The following XKR4 variants were observed in gnomAD, a reference collection of about 807,000 sequenced individuals.
XKR4 encodes XK related 4.
XKR4 carries 12 observed loss-of-function variants against 53.9 expected under a neutral mutation model. The observed-to-expected ratio is 0.22, with a 90% CI of 0.14 to 0.36. XKR4 has a LOEUF of 0.36. Ranked by LOEUF, XKR4 falls within the 10% of genes least tolerant of loss-of-function variation. The probability of loss-of-function intolerance (pLI) is 1.00; values close to 1 mark genes in which losing one functional copy is unlikely to be tolerated. For missense variants in XKR4, 799 were observed against 859.5 expected (o/e 0.93, Z 0.88); for synonymous variants, 354 against 362.4 (o/e 0.98, Z 0.26).
chr8:55,426,709 A>T (rs1005855776), intron 2 of XKR4, among the ~76,000 whole-genome samples: 1 of 152,220 alleles, frequency 6.6e-6, no homozygotes, highest in Admixed American at 6.5e-5. Context: ...GATATTTAGG[A>T]TAAATTGAGC....
chr8:55,141,671 C>CTCTCTCTG (rs748708972), intron 1 of XKR4, among the ~76,000 whole-genome samples: 161 of 135,040 alleles, frequency 1.2e-3, no homozygotes, highest in African/African-American at 1.6e-3. Flanking sequence ...CTCTCTCTCT[C>CTCTCTCTG]TGTGTGTGTG....
At chr8:55,440,790 C>A (rs572181635) in intron 2 of XKR4, among the ~76,000 whole-genome samples, 1 of 152,196 alleles carries the variant, frequency 6.6e-6, no homozygotes, top group African/African-American at 2.4e-5. Flanking sequence ...CAATTAGGCT[C>A]TTTCTACATC....
intron 2 of XKR4, among the ~76,000 whole-genome samples, chr8:55,434,408 A>C (rs971215806): frequency 9.0e-6 from 1 of 111,224 alleles, no homozygotes; most frequent in African/African-American, 3.6e-5. Flanking sequence ...CTTGATACCA[A>C]TCGTGTGTGT....
At chr8:55,314,589 C>T (rs1819436976) in intron 1 of XKR4, among the ~76,000 whole-genome samples, 1 of 152,206 alleles carries the variant, frequency 6.6e-6, no homozygotes, top group South Asian at 2.1e-4. Context: ...CTGATAAGAA[C>T]TTGAAGGAGA....
intron 2 of XKR4, chr8:55,454,636 G>A (rs1016712993): frequency 8.8e-7 from 1 of 1,132,440 alleles, no homozygotes; most frequent in Non-Finnish European, 1.3e-6. Context: ...CCCAGCCAGG[G>A]GCACGGTGCA....
At chr8:55,373,124 A>T (rs1804092608) in intron 2 of XKR4, among the ~76,000 whole-genome samples, 1 of 152,202 alleles carries the variant, frequency 6.6e-6, no homozygotes, top group Non-Finnish European at 1.5e-5. Context: ...CTGTAGAAAA[A>T]GTCTCAGAGA....
chr8:55,213,513 G>T (rs1654649620), intron 1 of XKR4, among the ~76,000 whole-genome samples: 2 of 152,120 alleles, frequency 1.3e-5, no homozygotes, highest in Non-Finnish European at 2.9e-5. Flanking sequence ...TTAGAATCTT[G>T]CAGTCTCTAG....
At chr8:55,234,257 AG>A (rs1212379058) in intron 1 of XKR4, among the ~76,000 whole-genome samples, 1 of 152,224 alleles carries the variant, frequency 6.6e-6, no homozygotes, top group Non-Finnish European at 1.5e-5. Flanking sequence ...TCCTCCAAAA[AG>A]AAATTGTTCC....
At chr8:55,303,269 C>A (rs1585998635) in intron 1 of XKR4, among the ~76,000 whole-genome samples, 1 of 152,160 alleles carries the variant, frequency 6.6e-6, no homozygotes, top group Non-Finnish European at 1.5e-5. Context: ...TGGTTTTTGT[C>A]TTTGGTTCTG....
rs1362282346 is a variant in XKR4, at chr8:55,527,492, T to C, written c.*3265T>C. 6.6e-6 allele frequency: 1 copy of C among 152,226 alleles called. No individual in the cohort carries two copies. Among genetic ancestry groups the C allele is most frequent in the Non-Finnish European group, 1.5e-5 (1 of 68,028 alleles). The allele number at this position is 152,226 out of a possible 1,614,324, so 9.4% of individuals were successfully genotyped here. On this transcript the variant is annotated 3_prime_UTR_variant, in exon 3 of 3. Coordinates refer to ENST00000327381, the MANE Select transcript of XKR4 (RefSeq NM_052898.2). ...TTTCTAAATATGAAACCATGTTTAA[T>C]GAATATATATAATGTGTGTGTGTGT...
At chr8:55,435,312 C>T (rs1311043181) in intron 2 of XKR4, among the ~76,000 whole-genome samples, 1 of 152,034 alleles carries the variant, frequency 6.6e-6, no homozygotes, top group East Asian at 1.9e-4. Flanking sequence ...AGTCTCTTCC[C>T]TTAGAATTGA....
At chr8:55,366,928 T>A (rs746296187) in intron 2 of XKR4, among the ~76,000 whole-genome samples, 1 of 152,180 alleles carries the variant, frequency 6.6e-6, no homozygotes, top group Non-Finnish European at 1.5e-5. Flanking sequence ...ACCACATTAC[T>A]TTCTTGCTCT....
chr8:55,204,308 G>A (rs1356645122), intron 1 of XKR4, among the ~76,000 whole-genome samples: 1 of 152,098 alleles, frequency 6.6e-6, no homozygotes, highest in African/African-American at 2.4e-5. Context: ...ACAACGACAA[G>A]CAGCATTAAA....
chr8:55,477,405 T>C (rs762402673), intron 2 of XKR4, among the ~76,000 whole-genome samples: 69 of 152,196 alleles, frequency 4.5e-4, no homozygotes, highest in Non-Finnish European at 7.9e-4. Context: ...AACCCTTCTG[T>C]ACGTCAACAT....
intron 1 of XKR4, among the ~76,000 whole-genome samples, chr8:55,150,461 C>A (rs74329063): frequency 0.17 from 26,431 of 152,072 alleles, 2,949 homozygotes; most frequent in Middle Eastern, 0.37. Context: ...GAGCATGCAA[C>A]GATTATAGTA....
intron 2 of XKR4, among the ~76,000 whole-genome samples, chr8:55,504,966 A>G (rs999842871): frequency 3.2e-4 from 48 of 151,848 alleles, no homozygotes; most frequent in African/African-American, 1.0e-3. Context: ...CTAGCTAAAG[A>G]TTTTGTCAAT....
intron 1 of XKR4, among the ~76,000 whole-genome samples, chr8:55,173,219 G>A (rs955973759): frequency 1.3e-4 from 20 of 151,956 alleles, no homozygotes; most frequent in Non-Finnish European, 2.9e-5. Context: ...TTCCAGCATT[G>A]TGCTGACAAT....
intron 1 of XKR4, chr8:55,164,452 G>A: frequency 2.2e-6 from 1 of 456,270 alleles, no homozygotes; most frequent in Non-Finnish European, 4.4e-6. Context: ...TGAGGACAGA[G>A]CTGGAAGTAG....
intron 1 of XKR4, among the ~76,000 whole-genome samples, chr8:55,118,129 A>C (rs1201501453): frequency 6.6e-6 from 1 of 152,198 alleles, no homozygotes; most frequent in African/African-American, 2.4e-5. Flanking sequence ...CTGATAAACT[A>C]TTCCTGGGAT....
Sources: gnomAD v4.1 joint callset for allele counts (sites outside exome capture counted in the v4.1 genomes callset) on GRCh38, gnomAD v4.1.1 for gene constraint, MANE v1.5 for transcripts, NCBI Gene and HGNC (gene_info 2026-07-23, HGNC 2026-07-21) for gene names.